Variants in KDM2A observed in about 807,000 individuals in gnomAD.
The protein encoded by KDM2A is lysine demethylase 2A.
KDM2A carries 3 observed loss-of-function variants against 137.3 expected under a neutral mutation model. That is an observed-to-expected ratio of 0.02 (90% CI 0.01 to 0.06). The LOEUF is 0.06. KDM2A is among the 10% of genes least tolerant of loss of function. KDM2A has a pLI of 1.00. For missense variants in KDM2A, 738 were observed against 1,510.6 expected, an observed-to-expected ratio of 0.49 and a Z score of 8.48; for synonymous variants, 512 against 541.5, an observed-to-expected ratio of 0.95 and a Z score of 0.76.
intron 12 of KDM2A, among the ~76,000 whole-genome samples, chr11:67,235,856 G>A (rs71457764): frequency 0.029 from 4,334 of 151,742 alleles, 92 homozygotes; most frequent in Non-Finnish European, 0.046. Flanking sequence ...CTGACCTTGC[G>A]ATCCACCTGC....
intron 5 of KDM2A, among the ~76,000 whole-genome samples, chr11:67,190,401 C>T (rs145096441): frequency 9.2e-4 from 140 of 151,986 alleles, no homozygotes; most frequent in African/African-American, 3.1e-3. Context: ...CAAGAGCAAA[C>T]CTCCGACTCA....
chr11:67,245,327 C>A lies in KDM2A; in HGVS notation c.1702C>A (p.Arg568=). Residue 568 remains arginine (R), a synonymous_variant, in exon 14 of 21, where the codon CGA becomes AGA. Coordinates refer to ENST00000529006, the MANE Select transcript of KDM2A (RefSeq NM_012308.3). This position sits in a 1 kb window ranked among gnomAD's most constrained non-coding sequence, Gnocchi z 4.1. ...SPIVSGARRR[R]VRCRKCKACV... is the part of the protein sequence containing the mutation. Reference sequence around the variant, plus strand: ...GATTGTGTCAGGAGCCAGACGGAGACGAGTGCGATGTCGAAAATGCAAAGC... The same window carrying A: ...GATTGTGTCAGGAGCCAGACGGAGAAGAGTGCGATGTCGAAAATGCAAAGC... 17 of 1,614,038 alleles carry A rather than the reference C, an allele frequency of 1.1e-5. No homozygotes were observed. The highest frequency in any genetic ancestry group is 1.4e-5 in the Non-Finnish European group (17 of 1,179,902).
At chr11:67,251,792 A>G (rs1859436270) in intron 17 of KDM2A, among the ~76,000 whole-genome samples, 1 of 152,238 alleles carries the variant, frequency 6.6e-6, no homozygotes, top group Non-Finnish European at 1.5e-5. Flanking sequence ...TTCAGTCTCT[A>G]AATAGACCCT....
At chr11:67,218,198 A>G (rs1001229442) in intron 9 of KDM2A, among the ~76,000 whole-genome samples, 2 of 152,240 alleles carry the variant, frequency 1.3e-5, no homozygotes, top group African/African-American at 2.4e-5. Flanking sequence ...TACACAATCT[A>G]TGTTGAAGAA....
intron 2 of KDM2A, among the ~76,000 whole-genome samples, chr11:67,155,685 T>C (rs1856496190): frequency 6.6e-6 from 1 of 151,584 alleles, no homozygotes. Flanking sequence ...GGCTTGATCT[T>C]GGCTCACTGC....
intron 2 of KDM2A, among the ~76,000 whole-genome samples, chr11:67,129,603 G>A (rs962198902): frequency 1.3e-5 from 2 of 151,914 alleles, no homozygotes; most frequent in African/African-American, 2.4e-5. Context: ...GCGTGATGGT[G>A]GGCGCCTGTA....
chr11:67,202,703 G>T (rs1331463942), intron 5 of KDM2A, among the ~76,000 whole-genome samples: 1 of 152,098 alleles, frequency 6.6e-6, no homozygotes, highest in Non-Finnish European at 1.5e-5. Flanking sequence ...GTGAACCCAG[G>T]AGGCGGAGCT....
At chr11:67,162,590 G>A (rs1043224002) in intron 2 of KDM2A, among the ~76,000 whole-genome samples, 1 of 152,084 alleles carries the variant, frequency 6.6e-6, no homozygotes. Context: ...ATTTTTAGTA[G>A]AGATGGGGTT....
chr11:67,169,309 T>A lies in KDM2A; in HGVS notation c.43-10770T>A, dbSNP rs189415305. Among the ~76,000 whole-genome samples the A allele has an allele frequency of 2.6e-3, 398 of 152,012 alleles. 4 individuals carry two copies. The highest frequency in any genetic ancestry group is 8.7e-3 in the African/African-American group (361 of 41,514). On this transcript the variant is annotated intron_variant, in intron 2 of 20. Transcript: ENST00000529006. ...AACAATGCCCTAAATTTTTTTTTTT[T>A]AAATCGTATCACAGTGTGAGACATG...
chr11:67,208,197 AATC>A (rs1479954283), intron 6 of KDM2A, among the ~76,000 whole-genome samples: 1 of 151,668 alleles, frequency 6.6e-6, no homozygotes, highest in South Asian at 2.1e-4. Flanking sequence ...CATTTTCCGA[AATC>A]ATAATAAATT....
At chr11:67,158,069 G>T (rs1856558706) in intron 2 of KDM2A, among the ~76,000 whole-genome samples, 1 of 151,064 alleles carries the variant, frequency 6.6e-6, no homozygotes, top group Non-Finnish European at 1.5e-5. Flanking sequence ...TAGTTTCACT[G>T]CCTTAAAAAT....
At chr11:67,135,185 C>T (rs1490924696) in intron 2 of KDM2A, among the ~76,000 whole-genome samples, 1 of 152,090 alleles carries the variant, frequency 6.6e-6, no homozygotes, top group Non-Finnish European at 1.5e-5. Context: ...TCTCCTGCCT[C>T]AGCCTCCCGA....
At chr11:67,247,111 CAG>C (rs1245603221) in intron 15 of KDM2A, among the ~76,000 whole-genome samples, 1 of 59,206 alleles carries the variant, frequency 1.7e-5, no homozygotes, top group African/African-American at 6.4e-5. Context: ...TTTTTGGAGA[CAG>C]AGTCTTGCTC....
chr11:67,123,185 A>G (rs956231778), intron 2 of KDM2A, among the ~76,000 whole-genome samples: 11 of 135,786 alleles, frequency 8.1e-5, no homozygotes, highest in Admixed American at 1.5e-4. Context: ...TATGTTGCCC[A>G]CCCTAGTCTT....
intron 2 of KDM2A, among the ~76,000 whole-genome samples, chr11:67,154,141 A>G (rs1250324750): frequency 1.3e-5 from 2 of 152,328 alleles, no homozygotes; most frequent in African/African-American, 4.8e-5. Context: ...ATTATATTTG[A>G]CTGTTGACTC....
chr11:67,222,830 G>A (rs886971185), intron 10 of KDM2A, among the ~76,000 whole-genome samples: 1 of 149,866 alleles, frequency 6.7e-6, no homozygotes, highest in Non-Finnish European at 1.5e-5. Flanking sequence ...TACATATTCA[G>A]TAACATAAAG....
chr11:67,187,368 T>TA (rs1590760784), intron 5 of KDM2A, among the ~76,000 whole-genome samples: 2 of 151,886 alleles, frequency 1.3e-5, no homozygotes, highest in African/African-American at 4.8e-5. Flanking sequence ...GCAGAATGGA[T>TA]AAAAATGGCA....
intron 12 of KDM2A, among the ~76,000 whole-genome samples, chr11:67,238,693 A>G (rs1029392889): frequency 1.3e-5 from 2 of 152,222 alleles, no homozygotes; most frequent in African/African-American, 4.8e-5. Context: ...AACTCACTCA[A>G]ACAACTGTCC....
chr11:67,181,187 T>C (rs555135651), intron 3 of KDM2A, 133 bp from the exon 4 acceptor site: 100 of 461,580 alleles, frequency 2.2e-4, no homozygotes, highest in African/African-American at 1.7e-3. Context: ...ATATATTTTA[T>C]TGACTAACAG....
Sources: allele counts gnomAD v4.1 joint callset (sites outside exome capture counted in the v4.1 genomes callset), GRCh38; gene constraint gnomAD v4.1.1; non-coding constraint Gnocchi (gnomAD v3.1); transcripts MANE v1.5; gene names NCBI Gene and HGNC (gene_info 2026-07-23, HGNC 2026-07-21).